DPYS: variants seen among roughly 807,000 people sequenced by gnomAD.
The protein encoded by DPYS is dihydropyrimidinase, also known as dihydropyrimidine amidohydrolase.
DPYS carries 39 observed loss-of-function variants against 50.3 expected under a neutral mutation model. The observed-to-expected ratio is 0.78, with a 90% CI of 0.60 to 1.01. DPYS has a LOEUF of 1.01. Among genes scored for constraint, DPYS ranks in the 50% least tolerant of loss-of-function variants. The probability of loss-of-function intolerance (pLI) is 0.00; values close to 1 mark genes in which losing one functional copy is unlikely to be tolerated. For missense variants in DPYS, 659 were observed against 680.9 expected (o/e 0.97, Z 0.36); for synonymous variants, 245 against 250.7 (o/e 0.98, Z 0.22).
intron 4 of DPYS, 60 bp from the exon 5 acceptor site, chr8:104,429,761 C>A: frequency 6.3e-7 from 1 of 1,598,918 alleles, no homozygotes; most frequent in Non-Finnish European, 8.6e-7. Context: ...GACCATATGA[C>A]AAACACATAA....
chr8:104,452,521 T>C (rs998680987), intron 1 of DPYS, among the ~76,000 whole-genome samples: 1 of 152,108 alleles, frequency 6.6e-6, no homozygotes, highest in African/African-American at 2.4e-5. Context: ...ATAGGCTTGA[T>C]AGGAGGATTA....
At chr8:104,449,728 T>A (rs545282417) in intron 2 of DPYS, among the ~76,000 whole-genome samples, 251 of 152,322 alleles carry the variant, frequency 1.6e-3, no homozygotes, top group African/African-American at 5.9e-3. Flanking sequence ...GAGATTGGGA[T>A]GATGCTTCTA....
intron 4 of DPYS, among the ~76,000 whole-genome samples, chr8:104,439,971 C>G (rs1471986588): frequency 3.3e-5 from 5 of 152,104 alleles, no homozygotes; most frequent in Non-Finnish European, 7.3e-5. Context: ...TGGCTTAATT[C>G]ACCAATCTCT....
At chr8:104,381,069 T>C (rs1393697337) in intron 9 of DPYS, 115 bp downstream of exon 9, 2 of 874,964 alleles carry the variant, frequency 2.3e-6, no homozygotes, top group Non-Finnish European at 3.8e-6. Flanking sequence ...CAATTGTCCT[T>C]GAGTCTTGGA....
chr8:104,458,569 C>T (rs1454447691), intron 1 of DPYS, among the ~76,000 whole-genome samples: 1 of 152,096 alleles, frequency 6.6e-6, no homozygotes, highest in African/African-American at 2.4e-5. Flanking sequence ...TATTCTGTGC[C>T]CATTACAGTA....
intron 8 of DPYS, among the ~76,000 whole-genome samples, chr8:104,385,759 A>G (rs1763967907): frequency 6.6e-6 from 1 of 152,196 alleles, no homozygotes. Flanking sequence ...TTATAAAATG[A>G]CAAGTTTGGC....
intron 8 of DPYS, among the ~76,000 whole-genome samples, chr8:104,384,339 C>T (rs1434549150): frequency 6.6e-6 from 1 of 152,182 alleles, no homozygotes; most frequent in African/African-American, 2.4e-5. Flanking sequence ...AGACTCATGC[C>T]TTCTTCATCT....
intron 8 of DPYS, among the ~76,000 whole-genome samples, chr8:104,389,112 A>G (rs897206443): frequency 6.6e-6 from 1 of 152,258 alleles, no homozygotes; most frequent in Non-Finnish European, 1.5e-5. Flanking sequence ...AGCTGAGTTC[A>G]GGGACTGACA....
chr8:104,444,520 A>G, intron 3 of DPYS, 83 bp from the exon 4 acceptor site: 1 of 1,492,314 alleles, frequency 6.7e-7, no homozygotes, highest in South Asian at 1.2e-5. Flanking sequence ...AATTAAATGC[A>G]ATGCCAGGCT....
At chr8:104,408,739 C>T (rs1812077699) in intron 7 of DPYS, among the ~76,000 whole-genome samples, 1 of 151,926 alleles carries the variant, frequency 6.6e-6, no homozygotes, top group Non-Finnish European at 1.5e-5. Context: ...GGCCACTAGT[C>T]CATGCTGTCA....
At chr8:104,452,692 T>C (rs1177509978) in intron 1 of DPYS, among the ~76,000 whole-genome samples, 1 of 151,874 alleles carries the variant, frequency 6.6e-6, no homozygotes, top group African/African-American at 2.4e-5. Flanking sequence ...AAATGTAAAA[T>C]TAGCCAGGCA....
chr8:104,398,237 C>T (rs1811654592), intron 7 of DPYS, among the ~76,000 whole-genome samples: 1 of 152,210 alleles, frequency 6.6e-6, no homozygotes, highest in Admixed American at 6.5e-5. Flanking sequence ...GAAGCAGCTA[C>T]CACAGGAATC....
chr8:104,391,714 G>A (rs1328431617), intron 8 of DPYS, among the ~76,000 whole-genome samples: 1 of 152,096 alleles, frequency 6.6e-6, no homozygotes, highest in African/African-American at 2.4e-5. Flanking sequence ...GACATTTATT[G>A]ACCTCCTACC....
At chr8:104,397,239 T>G (rs1421981716) in intron 7 of DPYS, among the ~76,000 whole-genome samples, 1 of 152,210 alleles carries the variant, frequency 6.6e-6, no homozygotes, top group Non-Finnish European at 1.5e-5. Flanking sequence ...AAACTGAACA[T>G]TTTCCTCCGT....
intron 7 of DPYS, among the ~76,000 whole-genome samples, chr8:104,406,524 A>ATT (rs1469864642): frequency 6.6e-6 from 1 of 152,170 alleles, no homozygotes; most frequent in East Asian, 1.9e-4. Flanking sequence ...CATGACCAAA[A>ATT]GCAGCCACCC....
chr8:104,442,028 A>G (rs899072437), intron 4 of DPYS, among the ~76,000 whole-genome samples: 16 of 152,246 alleles, frequency 1.1e-4, no homozygotes, highest in Non-Finnish European at 2.2e-4. Flanking sequence ...AAAGAGAAAC[A>G]TGGTAAAGAT....
chr8:104,433,072 C>T (rs1813008365), intron 4 of DPYS, among the ~76,000 whole-genome samples: 1 of 152,128 alleles, frequency 6.6e-6, no homozygotes, highest in South Asian at 2.1e-4. Flanking sequence ...CGTGAAGACA[C>T]AGGAAGAAGA....
intron 7 of DPYS, among the ~76,000 whole-genome samples, chr8:104,412,107 T>C (rs1812202160): frequency 6.6e-6 from 1 of 152,154 alleles, no homozygotes; most frequent in East Asian, 1.9e-4. Flanking sequence ...TGCAGGTACA[T>C]GAAATCTTTT....
intron 1 of DPYS, among the ~76,000 whole-genome samples, chr8:104,460,590 C>T (rs1228376833): frequency 6.6e-6 from 1 of 152,022 alleles, no homozygotes; most frequent in Non-Finnish European, 1.5e-5. Context: ...AATACCCAGG[C>T]CAGACATGTG....
Sources: allele counts gnomAD v4.1 joint callset (sites outside exome capture counted in the v4.1 genomes callset), GRCh38; gene constraint gnomAD v4.1.1; transcripts MANE v1.5; gene names NCBI Gene and HGNC (gene_info 2026-07-23, HGNC 2026-07-21).